Variants in NFATC1 observed in about 807,000 individuals in gnomAD.
The protein encoded by NFATC1 is nuclear factor of activated T-cells, cytoplasmic 1.
A neutral mutation model predicts 76.0 loss-of-function variants in NFATC1; 22 were observed. That is an observed-to-expected ratio of 0.29 (90% CI 0.21 to 0.41). The LOEUF (loss-of-function observed/expected upper bound fraction) is 0.41. Among genes scored for constraint, NFATC1 ranks in the 10% least tolerant of loss-of-function variants. NFATC1 has a pLI of 1.00. For missense variants in NFATC1, 1,357 were observed against 1,337.7 expected, an observed-to-expected ratio of 1.01 and a Z score of -0.23; for synonymous variants, 704 against 613.1, an observed-to-expected ratio of 1.15 and a Z score of -2.19.
chr18:79,441,298 C>T (rs2086966869), intron 3 of NFATC1, among the ~76,000 whole-genome samples: 1 of 152,104 alleles, frequency 6.6e-6, no homozygotes, highest in Non-Finnish European at 1.5e-5. Flanking sequence ...GGCCCTTCAC[C>T]CCTGTGTGTC....
chr18:79,431,514 T>TG (rs895229649), intron 2 of NFATC1, among the ~76,000 whole-genome samples: 1 of 152,070 alleles, frequency 6.6e-6, no homozygotes, highest in Non-Finnish European at 1.5e-5. Context: ...GCCTCCTGTG[T>TG]GGCTGGGATC....
intron 9 of NFATC1, among the ~76,000 whole-genome samples, chr18:79,519,080 T>C (rs1289333503): frequency 6.6e-6 from 1 of 152,198 alleles, no homozygotes; most frequent in Non-Finnish European, 1.5e-5. Context: ...TAAACCTTGT[T>C]CTACCAGAGC....
At chr18:79,485,149 G>A (rs1386101607) in intron 8 of NFATC1, among the ~76,000 whole-genome samples, 1 of 152,236 alleles carries the variant, frequency 6.6e-6, no homozygotes, top group East Asian at 1.9e-4. Context: ...CCCAGGTGGT[G>A]ACAGGAGGGG....
intron 8 of NFATC1, among the ~76,000 whole-genome samples, chr18:79,482,166 C>G (rs1468198254): frequency 7.1e-6 from 1 of 140,444 alleles, no homozygotes. Context: ...CCAGCGTGAC[C>G]TGGTCCTGGG....
chr18:79,495,334 T>C (rs1210731778), intron 9 of NFATC1, among the ~76,000 whole-genome samples: 1 of 152,260 alleles, frequency 6.6e-6, no homozygotes, highest in African/African-American at 2.4e-5. Context: ...AGATATTCAC[T>C]GTGGACACAG....
chr18:79,449,118 C>CA, intron 4 of NFATC1, 134 bp downstream of exon 4: 1 of 775,472 alleles, frequency 1.3e-6, no homozygotes, highest in South Asian at 1.8e-5. Flanking sequence ...GTTTAACAGC[C>CA]AATAAGTAAA....
chr18:79,467,341 TTGCCGTGTGGCCGCCGTGGAAAC>T (rs1237732033), intron 7 of NFATC1, 86 bp from the exon 8 acceptor site: 2 of 1,083,578 alleles, frequency 1.8e-6, no homozygotes, highest in African/African-American at 3.4e-5. Flanking sequence ...AAACGCGGGG[TTGCCGTGTGGCCGCCGTGGAAAC>T]GCGGGGTTGC....
chr18:79,398,804 C>T (rs1463040918), intron 1 of NFATC1, among the ~76,000 whole-genome samples: 1 of 152,264 alleles, frequency 6.6e-6, no homozygotes, highest in African/African-American at 2.4e-5. Flanking sequence ...CGCCGCGGCT[C>T]ACGCCTGTAA....
At chr18:79,485,367 C>T (rs1165581785) in intron 8 of NFATC1, among the ~76,000 whole-genome samples, 4 of 152,266 alleles carry the variant, frequency 2.6e-5, no homozygotes, top group Non-Finnish European at 5.9e-5. Flanking sequence ...CTCTAAGTAG[C>T]ACGAGAGGCC....
intron 2 of NFATC1, among the ~76,000 whole-genome samples, chr18:79,426,682 C>T (rs1382690729): frequency 6.6e-6 from 1 of 152,268 alleles, no homozygotes; most frequent in East Asian, 1.9e-4. Flanking sequence ...CCCTGTGACT[C>T]AGCTGCAGCC....
rs537207265 is a variant in NFATC1 at position 79,503,309 on chromosome 18, C to T, written c.2782+16372C>T. Among the ~76,000 whole-genome samples the T allele has an allele frequency of 2.2e-4, 34 of 152,274 alleles. No homozygotes were observed. The South Asian group carries it at 2.5e-3, about 11-fold the overall frequency. On this transcript the variant is annotated intron_variant, in intron 9 of 9. Coordinates refer to ENST00000427363, the MANE Select transcript of NFATC1 (RefSeq NM_001278669.2). Reference sequence around the variant, plus strand: ...TACAGCCAGTATGGCAAAAGAAAGCCGCTGGAGTGTGTGGCTTCCAGGGCA... The same window carrying T: ...TACAGCCAGTATGGCAAAAGAAAGCTGCTGGAGTGTGTGGCTTCCAGGGCA...
At chr18:79,516,346 A>G (rs1052096350) in intron 9 of NFATC1, among the ~76,000 whole-genome samples, 2 of 152,208 alleles carry the variant, frequency 1.3e-5, no homozygotes, top group African/African-American at 4.8e-5. Context: ...GAAGGCTGAA[A>G]TAGGTCCTGG....
Position 79,396,330 on chromosome 18 carries a change from A to C in NFATC1, c.106A>C (p.Thr36Pro), listed in dbSNP as rs748912134. ...TLGPAPRAGG[T>P]MKSAEEEHYG... ...GGGGCCCGCGCCGCGCGCCGGCGGC[A>C]CCATGAAGTCAGCGGAGGAAGGTAA... Residue 36 changes from threonine (T) to proline (P), a missense_variant, in exon 1 of 10, where the codon ACC becomes CCC. Physicochemically the swap from Thr to Pro is conservative, Grantham distance 38 (BLOSUM62 -1). Around this residue, in one of 3 missense-constraint regions of NFATC1, gnomAD observed 691 missense variants for 613.1 expected, o/e 1.13. Coordinates refer to ENST00000427363, the MANE Select transcript of NFATC1 (RefSeq NM_001278669.2). 7.1e-7 allele frequency: 1 copy of C among 1,403,144 alleles called. No individual in the cohort carries two copies. The highest frequency in any genetic ancestry group is 9.4e-7 in the Non-Finnish European group (1 of 1,062,524). 86.9% of individuals were successfully genotyped at this position (1,403,144 alleles called of 1,614,324 possible).
At chr18:79,398,764 T>C (rs2085084982) in intron 1 of NFATC1, among the ~76,000 whole-genome samples, 1 of 152,240 alleles carries the variant, frequency 6.6e-6, no homozygotes, top group African/African-American at 2.4e-5. Context: ...AAAAGGTGGC[T>C]GGAGTTTTAA....
chr18:79,412,901 C>G (rs2085746123), intron 2 of NFATC1, among the ~76,000 whole-genome samples: 1 of 152,194 alleles, frequency 6.6e-6, no homozygotes, highest in African/African-American at 2.4e-5. Flanking sequence ...GTTTTTAATA[C>G]ATTAAGGTTT....
chr18:79,469,112 A>T (rs2088669349), intron 8 of NFATC1: 1 of 192,612 alleles, frequency 5.2e-6, no homozygotes, highest in African/African-American at 2.4e-5. Context: ...TGTGCCGCCC[A>T]CACTTAGTGA....
intron 2 of NFATC1, among the ~76,000 whole-genome samples, chr18:79,424,983 C>A (rs1240119789): frequency 2.0e-5 from 3 of 150,734 alleles, no homozygotes; most frequent in African/African-American, 7.4e-5. Flanking sequence ...GTCTCTCTGT[C>A]TCTCTGTGTC....
Position 79,464,713 on chromosome 18 carries a change from T to TATTTATTTA in NFATC1, c.1960-2737_1960-2736insATTTATTTA, listed in dbSNP as rs1339032166. Among the ~76,000 whole-genome samples, 592 of 134,016 alleles carry TATTTATTTA rather than the reference T, an allele frequency of 4.4e-3. 36 individuals are homozygous for TATTTATTTA. Among genetic ancestry groups the TATTTATTTA allele is most frequent in the African/African-American group, 0.015 (554 of 36,090 alleles). 87.9% of individuals were successfully genotyped at this position (134,016 alleles called of 152,430 possible). Reference sequence around the variant, plus strand: ...ATATATATTTATTTATTTATTTATTTTTTTTTTTTTGAGACAGGGTCTTGC... The same window carrying TATTTATTTA: ...ATATATATTTATTTATTTATTTATTTATTTATTTATTTTTTTTTTGAGACAGGGTCTTGC... On this transcript the variant is annotated intron_variant, in intron 7 of 9. Coordinates refer to ENST00000427363, the MANE Select transcript of NFATC1 (RefSeq NM_001278669.2).
intron 3 of NFATC1, among the ~76,000 whole-genome samples, chr18:79,437,967 G>A (rs1174106470): frequency 6.6e-6 from 1 of 152,244 alleles, no homozygotes; most frequent in Non-Finnish European, 1.5e-5. Flanking sequence ...AGGGAGGGTG[G>A]AGAAGCACCC....
Sources: gnomAD v4.1 joint callset for allele counts (sites outside exome capture counted in the v4.1 genomes callset) on GRCh38, gnomAD v4.1.1 for gene constraint, gnomAD v4.1.1 regional missense constraint, MANE v1.5 for transcripts, NCBI Gene and HGNC (gene_info 2026-07-23, HGNC 2026-07-21) for gene names.